ICOS: variants seen among roughly 807,000 people sequenced by gnomAD.
ICOS encodes the protein inducible T-cell costimulator.
A neutral mutation model predicts 24.6 loss-of-function variants in ICOS; 15 were observed. The ratio of observed to expected loss-of-function variants is 0.61; its 90% CI spans 0.41 to 0.94. The LOEUF (loss-of-function observed/expected upper bound fraction) is 0.94. ICOS is among the 40% of genes least tolerant of loss of function. The pLI, the probability that ICOS is intolerant of heterozygous loss-of-function variation, is 0.00. For synonymous variants in ICOS, 89 were observed against 77.5 expected (o/e 1.15, Z -0.78); for missense variants, 200 against 233.0 (o/e 0.86, Z 0.92).
At chr2:203,959,449 T>C (rs1690131981) in intron 4 of ICOS, 137 bp from the exon 5 acceptor site, 2 of 728,516 alleles carry the variant, frequency 2.7e-6, no homozygotes, top group South Asian at 2.9e-5. Flanking sequence ...GCATGGTGTG[T>C]GTGTGAGTGT....
Position 203,955,728 on chromosome 2 carries a change from T to C in ICOS, c.151T>C (p.Phe51Leu). ...CAAATATCCTGACATTGTCCAGCAATTTAAAATGCAGTTGCTGAAAGGGGG... is the reference window on the plus strand; with the variant it reads ...CAAATATCCTGACATTGTCCAGCAACTTAAAATGCAGTTGCTGAAAGGGGG... ...LCKYPDIVQQ[F>L]KMQLLKGGQI... The change falls in exon 2 of 5, where the codon TTT becomes CTT. Residue 51 changes from phenylalanine (F) to leucine (L), a missense_variant. Coordinates refer to ENST00000316386, the MANE Select transcript of ICOS (RefSeq NM_012092.4). 6.2e-7 allele frequency: 1 copy of C among 1,613,552 alleles called. No homozygotes were observed. The highest frequency in any genetic ancestry group is 8.5e-7 in the Non-Finnish European group (1 of 1,179,552).
intron 4 of ICOS, among the ~76,000 whole-genome samples, chr2:203,959,331 AC>A (rs1242125162): frequency 1.4e-4 from 21 of 152,188 alleles, no homozygotes; most frequent in African/African-American, 3.9e-4. Flanking sequence ...TCAGAGGTGG[AC>A]AGTTTCAAAG....
chr2:203,953,067 A>G (rs1559035206), intron 1 of ICOS, among the ~76,000 whole-genome samples: 1 of 152,192 alleles, frequency 6.6e-6, no homozygotes, highest in African/African-American at 2.4e-5. Flanking sequence ...AGGTTTTCTA[A>G]CCATTGAAGT....
At chr2:203,942,353 G>A (rs1689793495) in intron 1 of ICOS, among the ~76,000 whole-genome samples, 1 of 152,148 alleles carries the variant, frequency 6.6e-6, no homozygotes, top group Non-Finnish European at 1.5e-5. Context: ...TAATTATGAT[G>A]AAATTTACTT....
chr2:203,937,728 T>C (rs540749607), intron 1 of ICOS, among the ~76,000 whole-genome samples: 9 of 152,284 alleles, frequency 5.9e-5, no homozygotes, highest in Admixed American at 3.9e-4. Context: ...TATCTAGGGA[T>C]ACATTTTTTC....
At chr2:203,940,337 T>G (rs1419859606) in intron 1 of ICOS, among the ~76,000 whole-genome samples, 2 of 152,246 alleles carry the variant, frequency 1.3e-5, no homozygotes, top group East Asian at 1.9e-4. Context: ...ATTTCTCTTC[T>G]GTTTCAAGAA....
intron 1 of ICOS, among the ~76,000 whole-genome samples, chr2:203,948,976 G>T (rs1312661137): frequency 6.6e-6 from 1 of 152,204 alleles, no homozygotes. Flanking sequence ...GGAAACCAGG[G>T]TAAGAACTTA....
chr2:203,944,019 T>C (rs1339086104), intron 1 of ICOS, among the ~76,000 whole-genome samples: 9 of 152,260 alleles, frequency 5.9e-5, no homozygotes, highest in Middle Eastern at 6.8e-3. Flanking sequence ...CAAGTCTGTT[T>C]CCAGGCAAAG....
At chr2:203,957,958 TTTAA>T in intron 4 of ICOS, 75 bp downstream of exon 4, 2 of 932,356 alleles carry the variant, frequency 2.1e-6, no homozygotes, top group Admixed American at 2.1e-5. Context: ...TTTTTTTTTT[TTTAA>T]TTTTAAAGGA....
At chr2:203,951,117 G>A (rs1375164388) in intron 1 of ICOS, among the ~76,000 whole-genome samples, 1 of 151,788 alleles carries the variant, frequency 6.6e-6, no homozygotes, top group Non-Finnish European at 1.5e-5. Context: ...TTCAGCTGAT[G>A]TCAGTGGCAC....
At chr2:203,949,473 C>G (rs764301793) in intron 1 of ICOS, among the ~76,000 whole-genome samples, 2 of 152,064 alleles carry the variant, frequency 1.3e-5, no homozygotes, top group Non-Finnish European at 2.9e-5. Flanking sequence ...AAAGAGGTCA[C>G]CAGATCTGAC....
At chr2:203,944,388 C>T (rs1023637873) in intron 1 of ICOS, among the ~76,000 whole-genome samples, 3 of 152,122 alleles carry the variant, frequency 2.0e-5, no homozygotes, top group Admixed American at 6.6e-5. Context: ...CAGATAAAGT[C>T]GGAAACTTCT....
intron 1 of ICOS, among the ~76,000 whole-genome samples, chr2:203,938,576 G>A (rs560617383): frequency 4.6e-5 from 7 of 152,288 alleles, no homozygotes; most frequent in South Asian, 2.1e-4. Flanking sequence ...TTCCAAGAAC[G>A]TTGGTACCAT....
In ICOS at chr2:203,959,455, A is replaced by AGTGT. The variant is rs34098976; in HGVS notation, c.587-111_587-108dup. On this transcript the variant is annotated intron_variant, in intron 4 of 4. Coordinates refer to ENST00000316386, the MANE Select transcript of ICOS (RefSeq NM_012092.4). ...GATGAGTTTGCATGGTGTGTGTGTGAGTGTGTGTGTGTGTGTGTGTGTGCA... is the reference window on the plus strand; with the variant it reads ...GATGAGTTTGCATGGTGTGTGTGTGAGTGTGTGTGTGTGTGTGTGTGTGTGTGCA... The AGTGT allele has an allele frequency of 2.8e-3, 2,042 of 717,658 alleles. 8 individuals are homozygous for AGTGT. The highest frequency in any genetic ancestry group is 0.024 in the African/African-American group (1,329 of 56,400). The allele number at this position is 717,658 out of a possible 1,614,324, so 44.5% of individuals were successfully genotyped here.
At chr2:203,936,964 A>T in intron 1 of ICOS, 92 bp downstream of exon 1, 1 of 971,748 alleles carries the variant, frequency 1.0e-6, no homozygotes. Context: ...CCCAAAAGAC[A>T]GTGGTTTTGG....
At position 203,936,887 on chromosome 2, in the gene ICOS, G is replaced by T; in HGVS notation, c.58+15G>T. The T allele has an allele frequency of 6.5e-7, 1 of 1,540,886 alleles. No individual in the cohort carries two copies. Among genetic ancestry groups the T allele is most frequent in the South Asian group, 1.1e-5 (1 of 89,580 alleles). On this transcript the variant is annotated intron_variant, in intron 1 of 4. Transcript: ENST00000316386. ...AGTTTTAACAGGTAAGTGGTGTATTGAATATTTCTTATTAAGTTATAATTC... is the reference window on the plus strand; with the variant it reads ...AGTTTTAACAGGTAAGTGGTGTATTTAATATTTCTTATTAAGTTATAATTC...
At position 203,955,654 on chromosome 2, in the gene ICOS, C is replaced by A. The variant is rs761695473; in HGVS notation, c.77C>A (p.Ala26Asp). ...TATGCAGGAGAAATCAATGGTTCTG[C>A]CAATTATGAGATGTTTATATTTCAC... ...KVLTGEINGS[A>D]NYEMFIFHNG... Residue 26 changes from alanine (A) to aspartate (D), a missense_variant, in exon 2 of 5, where the codon GCC (alanine) becomes GAC (aspartate). Physicochemically the swap from Ala to Asp is moderately radical, Grantham distance 126. Transcript: ENST00000316386. The A allele has an allele frequency of 6.2e-6, 10 of 1,612,102 alleles. No individual in the cohort carries two copies. In the Admixed American group the frequency reaches 1.7e-4, roughly 27 times the overall value.
At chr2:203,948,530 C>G (rs1260468981) in intron 1 of ICOS, among the ~76,000 whole-genome samples, 1 of 152,124 alleles carries the variant, frequency 6.6e-6, no homozygotes, top group Non-Finnish European at 1.5e-5. Flanking sequence ...CCAATAAATA[C>G]TGATTGCAGC....
intron 1 of ICOS, among the ~76,000 whole-genome samples, chr2:203,937,523 TAATGCTACATAC>T (rs1689677080): frequency 6.6e-6 from 1 of 152,206 alleles, no homozygotes; most frequent in Non-Finnish European, 1.5e-5. Context: ...ACAATTTAAA[TAATGCTACATAC>T]AATGTAAGTT....
Sources: gnomAD v4.1 joint callset for allele counts (sites outside exome capture counted in the v4.1 genomes callset) on GRCh38, gnomAD v4.1.1 for gene constraint, MANE v1.5 for transcripts, NCBI Gene and HGNC (gene_info 2026-07-23, HGNC 2026-07-21) for gene names.